Variants in POU2F3 observed in about 807,000 individuals in gnomAD.
POU2F3 encodes POU class 2 homeobox 3.
A neutral mutation model predicts 59.2 loss-of-function variants in POU2F3; 23 were observed. The ratio of observed to expected loss-of-function variants is 0.39; its 90% CI spans 0.28 to 0.55. The LOEUF is 0.55. Ranked by LOEUF, POU2F3 falls within the 20% of genes least tolerant of loss-of-function variation. The pLI, the probability that POU2F3 is intolerant of heterozygous loss-of-function variation, is 0.66. For synonymous variants in POU2F3, 190 were observed against 214.6 expected, an observed-to-expected ratio of 0.89 and a Z score of 1.00; for missense variants, 473 against 544.5, an observed-to-expected ratio of 0.87 and a Z score of 1.31.
chr11:120,297,831 C>T (rs1336929997), intron 3 of POU2F3, among the ~76,000 whole-genome samples: 3 of 151,856 alleles, frequency 2.0e-5, no homozygotes, highest in Non-Finnish European at 2.9e-5. Flanking sequence ...AGTGCAGTGG[C>T]GTGATCATAG....
At chr11:120,269,698 G>C (rs1267587903) in intron 3 of POU2F3, among the ~76,000 whole-genome samples, 1 of 152,148 alleles carries the variant, frequency 6.6e-6, no homozygotes, top group Non-Finnish European at 1.5e-5. Flanking sequence ...TAGGCAGAAA[G>C]AGCTCAAAAA....
At chr11:120,297,067 A>G (rs2135276006) in intron 3 of POU2F3, among the ~76,000 whole-genome samples, 1 of 152,346 alleles carries the variant, frequency 6.6e-6, no homozygotes, top group East Asian at 1.9e-4. Context: ...CAGCATCTCT[A>G]TGGCTAAGAG....
intron 2 of POU2F3, among the ~76,000 whole-genome samples, chr11:120,251,603 C>A (rs1939103798): frequency 6.6e-6 from 1 of 152,142 alleles, no homozygotes; most frequent in Non-Finnish European, 1.5e-5. Flanking sequence ...TAGTCCCCCC[C>A]AGACATGGAG....
intron 10 of POU2F3, among the ~76,000 whole-genome samples, chr11:120,312,376 G>A (rs1215863710): frequency 6.6e-6 from 1 of 152,132 alleles, no homozygotes; most frequent in African/African-American, 2.4e-5. Flanking sequence ...GCCCACCTTG[G>A]CTTCCCAAAG....
chr11:120,279,304 T>C (rs138026643), intron 3 of POU2F3, among the ~76,000 whole-genome samples: 11 of 152,274 alleles, frequency 7.2e-5, no homozygotes, highest in Admixed American at 3.9e-4. Flanking sequence ...ATGAGAACAG[T>C]AAGAGTATCT....
intron 6 of POU2F3, among the ~76,000 whole-genome samples, chr11:120,304,802 T>C (rs1193478576): frequency 1.3e-5 from 2 of 152,020 alleles, no homozygotes; most frequent in East Asian, 1.9e-4. Context: ...ACTCCTGATG[T>C]TTCTACCCAG....
intron 1 of POU2F3, among the ~76,000 whole-genome samples, chr11:120,243,100 G>T (rs375995066): frequency 1.2e-4 from 18 of 152,310 alleles, no homozygotes; most frequent in South Asian, 1.0e-3. Context: ...GGGTTGGAAG[G>T]CCTGATGATG....
intron 4 of POU2F3, 73 bp from the exon 5 acceptor site, chr11:120,299,551 G>T: frequency 7.3e-7 from 1 of 1,378,934 alleles, no homozygotes; most frequent in East Asian, 2.3e-5. Flanking sequence ...TGGGACGGAC[G>T]AGTGGCAGGC....
At chr11:120,293,695 C>A (rs774891425) in intron 3 of POU2F3, among the ~76,000 whole-genome samples, 1 of 152,130 alleles carries the variant, frequency 6.6e-6, no homozygotes, top group African/African-American at 2.4e-5. Context: ...TGTCTTCCCC[C>A]AGAGAGGGCC....
intron 2 of POU2F3, among the ~76,000 whole-genome samples, chr11:120,259,938 G>A (rs570272503): frequency 4.6e-5 from 7 of 152,208 alleles, no homozygotes; most frequent in African/African-American, 9.6e-5. Context: ...AAATGACCAC[G>A]CTGGAAGCTT....
Position 120,280,010 on chromosome 11 carries a change from T to C in POU2F3, c.132+10766T>C, listed in dbSNP as rs1940498632. ...TGAGAATGAAGGAGGGAGAAGAAGG[T>C]AGGGGTCCTTCACCTGATTGTGCAG... On this transcript the variant is annotated intron_variant, in intron 3 of 12. Coordinates refer to ENST00000543440, the MANE Select transcript of POU2F3 (RefSeq NM_014352.4). Among the ~76,000 whole-genome samples, 2 of 152,130 alleles carry C rather than the reference T, an allele frequency of 1.3e-5. 1 individual carries two copies. Among genetic ancestry groups the C allele is most frequent in the South Asian group, 4.1e-4 (2 of 4,824 alleles).
At chr11:120,317,160 G>GCTATGTCC in intron 11 of POU2F3, 69 bp from the exon 12 acceptor site, 1 of 1,576,414 alleles carries the variant, frequency 6.3e-7, no homozygotes, top group South Asian at 1.1e-5. Context: ...TGTCTGAGGG[G>GCTATGTCC]CTATGTCCCG....
chr11:120,291,001 T>A (rs1941001383), intron 3 of POU2F3, among the ~76,000 whole-genome samples: 1 of 152,214 alleles, frequency 6.6e-6, no homozygotes, highest in South Asian at 2.1e-4. Flanking sequence ...AGAGCAAATA[T>A]CCCACCTTGT....
Position 120,309,454 on chromosome 11 carries a change from C to G in POU2F3, c.936C>G (p.Ser312=), listed in dbSNP as rs1177709102. Reference sequence around the variant, plus strand: ...CAAAACCCAGCTCGGAGGAGATCTCCATGATTGCAGAGCAGTTGTCCATGG... The same window carrying G: ...CAAAACCCAGCTCGGAGGAGATCTCGATGATTGCAGAGCAGTTGTCCATGG... ...DNPKPSSEEI[S]MIAEQLSMEK... is the part of the protein sequence containing the mutation. The change falls in exon 10 of 13, where the codon TCC becomes TCG. Residue 312 remains serine (S), a synonymous_variant. Coordinates refer to ENST00000543440, the MANE Select transcript of POU2F3 (RefSeq NM_014352.4). The G allele has an allele frequency of 6.2e-7, 1 of 1,614,008 alleles. No homozygotes were observed. The highest frequency in any genetic ancestry group is 1.7e-5 in the Admixed American group (1 of 60,020).
At chr11:120,244,757 G>T (rs1269664061) in intron 1 of POU2F3, among the ~76,000 whole-genome samples, 2 of 152,218 alleles carry the variant, frequency 1.3e-5, no homozygotes, top group African/African-American at 4.8e-5. Flanking sequence ...TACTTAATGG[G>T]TGGGAGAGGG....
intron 9 of POU2F3, 87 bp from the exon 10 acceptor site, chr11:120,309,338 A>G: frequency 1.5e-6 from 2 of 1,358,476 alleles, no homozygotes; most frequent in Non-Finnish European, 2.1e-6. Flanking sequence ...TGATCCATGT[A>G]TAGTTGTATC....
At chr11:120,277,366 G>C (rs1175919992) in intron 3 of POU2F3, among the ~76,000 whole-genome samples, 3 of 152,066 alleles carry the variant, frequency 2.0e-5, no homozygotes, top group African/African-American at 7.2e-5. Flanking sequence ...GGCCCATATG[G>C]GACCAAGCCA....
chr11:120,295,927 A>T (rs1343967213), intron 3 of POU2F3, among the ~76,000 whole-genome samples: 2 of 152,214 alleles, frequency 1.3e-5, no homozygotes, highest in East Asian at 3.9e-4. Context: ...TGAAACAGCC[A>T]TCTTCTTACC....
chr11:120,291,768 T>G (rs1241758138), intron 3 of POU2F3, among the ~76,000 whole-genome samples: 2 of 152,176 alleles, frequency 1.3e-5, no homozygotes, highest in African/African-American at 2.4e-5. Flanking sequence ...CTTATAAGTC[T>G]ACTCCTACTC....
Sources: gnomAD v4.1 joint callset for allele counts (sites outside exome capture counted in the v4.1 genomes callset) on GRCh38, gnomAD v4.1.1 for gene constraint, MANE v1.5 for transcripts, NCBI Gene and HGNC (gene_info 2026-07-23, HGNC 2026-07-21) for gene names.